STAG1: variants seen among roughly 807,000 people sequenced by gnomAD.
The protein encoded by STAG1 is STAG1 cohesin complex component, also known as cohesin subunit SA-1.
Under a neutral mutation model 170.9 loss-of-function variants are expected in STAG1, and 26 were observed. The ratio of observed to expected loss-of-function variants is 0.15; its 90% confidence interval spans 0.11 to 0.21. The LOEUF is 0.21. STAG1 is among the 10% of genes least tolerant of loss of function. The pLI is 1.00. For missense variants in STAG1, 964 were observed against 1,509.5 expected, an observed-to-expected ratio of 0.64 and a Z score of 5.99; for synonymous variants, 514 against 497.7, an observed-to-expected ratio of 1.03 and a Z score of -0.44.
chr3:136,707,032 C>T (rs189243261), intron 1 of STAG1, among the ~76,000 whole-genome samples: 98 of 152,230 alleles, frequency 6.4e-4, no homozygotes, highest in Middle Eastern at 3.4e-3. Context: ...CCTTACCTCA[C>T]GCCATACTAA....
Position 136,338,264 on chromosome 3 carries a change from G to C in STAG1, c.3767C>G (p.Pro1256Arg). 1 of 1,605,202 alleles carries C rather than the reference G, an allele frequency of 6.2e-7. No homozygotes were observed. The highest frequency in any genetic ancestry group is 8.5e-7 in the Non-Finnish European group (1 of 1,173,034). The change falls in exon 34 of 34, where the codon CCT (proline) becomes CGT (arginine). Residue 1256 changes from proline to arginine, a missense_variant. Physicochemically the swap from Pro to Arg is moderately radical, Grantham distance 103 (BLOSUM62 -2). Transcript: ENST00000383202. ...IIEDDSGFGM[P>R]MF ...AATTTTCTTCAGACTTCAGAACATA[G>C]GCATTCCAAATCCCTAGAAAAATGA...
At chr3:136,439,269 G>C (rs950442520) in intron 15 of STAG1, among the ~76,000 whole-genome samples, 1 of 146,156 alleles carries the variant, frequency 6.8e-6, no homozygotes, top group Non-Finnish European at 1.5e-5. Context: ...CTGATATCCA[G>C]AAGTTACTTG....
chr3:136,521,712 T>C (rs1934685293), intron 6 of STAG1, among the ~76,000 whole-genome samples: 1 of 152,170 alleles, frequency 6.6e-6, no homozygotes, highest in African/African-American at 2.4e-5. Flanking sequence ...ATAGTTGAGG[T>C]AATCTGAAAC....
At chr3:136,500,911 C>T (rs1385634351) in intron 8 of STAG1, among the ~76,000 whole-genome samples, 3 of 152,148 alleles carry the variant, frequency 2.0e-5, no homozygotes, top group East Asian at 1.9e-4. Context: ...TTTATTATTA[C>T]TCAAAAACAA....
chr3:136,392,067 T>C (rs907075463), intron 22 of STAG1, among the ~76,000 whole-genome samples: 1 of 152,028 alleles, frequency 6.6e-6, no homozygotes, highest in Non-Finnish European at 1.5e-5. Context: ...TTTATGACAA[T>C]AGAAAAGAAA....
intron 6 of STAG1, among the ~76,000 whole-genome samples, chr3:136,525,788 A>ATGT (rs1934985080): frequency 6.6e-6 from 1 of 152,158 alleles, no homozygotes; most frequent in Non-Finnish European, 1.5e-5. Flanking sequence ...AGATTCTGGT[A>ATGT]TGTTGTGCCT....
At chr3:136,751,894 G>A (rs963108944) in intron 1 of STAG1, among the ~76,000 whole-genome samples, 1 of 150,756 alleles carries the variant, frequency 6.6e-6, no homozygotes, top group Non-Finnish European at 1.5e-5. Flanking sequence ...CCGGGCGGGC[G>A]GGGGCAAAAT....
chr3:136,616,942 A>G (rs1231755430), intron 3 of STAG1, among the ~76,000 whole-genome samples: 2 of 152,236 alleles, frequency 1.3e-5, no homozygotes, highest in East Asian at 3.8e-4. Context: ...CATTATAAGC[A>G]GTAACATAGC....
chr3:136,657,912 T>C lies in STAG1; in HGVS notation c.-83-26931A>G, dbSNP rs534637665. On this transcript the variant is annotated intron_variant, in intron 1 of 33. Transcript: ENST00000383202. ...AGTTGTGGATTTCCCTGTTGACTTG[T>C]TGTACTTTTCTTTTATCTCTTGGTA... Among the ~76,000 whole-genome samples the C allele has an allele frequency of 2.6e-5, 4 of 152,314 alleles. No individual in the cohort carries two copies. The South Asian group carries it at 6.2e-4, about 24-fold the overall frequency.
At chr3:136,737,656 T>G (rs938763756) in intron 1 of STAG1, among the ~76,000 whole-genome samples, 1 of 152,254 alleles carries the variant, frequency 6.6e-6, no homozygotes, top group Non-Finnish European at 1.5e-5. Flanking sequence ...CAACAAATAT[T>G]TGTTAGCCCT....
At chr3:136,751,836 G>A (rs1396346020) in intron 1 of STAG1, among the ~76,000 whole-genome samples, 4 of 150,558 alleles carry the variant, frequency 2.7e-5, no homozygotes, top group African/African-American at 9.7e-5. Flanking sequence ...GGGCTTGGCG[G>A]CGGGCCCGAG....
intron 1 of STAG1, among the ~76,000 whole-genome samples, chr3:136,680,773 A>AAT (rs563329180): frequency 6.6e-6 from 1 of 151,010 alleles, no homozygotes; most frequent in Non-Finnish European, 1.5e-5. Context: ...ACTAGTGGTA[A>AAT]ATATATATAT....
At chr3:136,438,416 G>T (rs1162228622) in intron 15 of STAG1, among the ~76,000 whole-genome samples, 1 of 151,822 alleles carries the variant, frequency 6.6e-6, no homozygotes, top group African/African-American at 2.4e-5. Context: ...GTAGAAACGG[G>T]GTTTCACCAT....
chr3:136,502,622 A>G lies in STAG1; in HGVS notation c.828+6T>C. On this transcript the variant is annotated splice_donor_region_variant and intron_variant, in intron 8 of 33. Coordinates refer to ENST00000383202, the MANE Select transcript of STAG1 (RefSeq NM_005862.3). ...ACATAAAATCATCAGTTCCCATGAA[A>G]CTTACCTCTTTGCGTTTCTGAAGTA... 6.2e-7 allele frequency: 1 copy of G among 1,612,538 alleles called. No individual in the cohort carries two copies. Among genetic ancestry groups the G allele is most frequent in the Non-Finnish European group, 8.5e-7 (1 of 1,179,388 alleles).
chr3:136,541,084 T>C (rs940222671), intron 6 of STAG1, among the ~76,000 whole-genome samples: 53 of 152,174 alleles, frequency 3.5e-4, no homozygotes, highest in African/African-American at 1.3e-3. Flanking sequence ...CCTGATGAAC[T>C]TTCAAAAATC....
intron 1 of STAG1, among the ~76,000 whole-genome samples, chr3:136,682,508 C>CA (rs1391930977): frequency 3.3e-4 from 50 of 149,508 alleles, no homozygotes; most frequent in African/African-American, 7.1e-4. Context: ...ATATGTCACA[C>CA]GAAAAAAACA....
At chr3:136,503,116 T>G (rs1391149986) in intron 7 of STAG1, among the ~76,000 whole-genome samples, 2 of 152,162 alleles carry the variant, frequency 1.3e-5, no homozygotes, top group East Asian at 1.9e-4. Context: ...AGCCTAAACC[T>G]CTCTACTGAT....
At chr3:136,356,214 C>T (rs774099453) in intron 28 of STAG1, among the ~76,000 whole-genome samples, 4 of 152,074 alleles carry the variant, frequency 2.6e-5, no homozygotes, top group Non-Finnish European at 5.9e-5. Flanking sequence ...GCTGTGCCCC[C>T]TGGCATTAGA....
intron 28 of STAG1, among the ~76,000 whole-genome samples, chr3:136,353,469 A>G (rs182810633): frequency 2.4e-4 from 37 of 152,378 alleles, no homozygotes; most frequent in African/African-American, 7.9e-4. Flanking sequence ...GTAAGAGAAA[A>G]GTAATTCACT....
Sources: gnomAD v4.1 joint callset for allele counts (sites outside exome capture counted in the v4.1 genomes callset) on GRCh38, gnomAD v4.1.1 for gene constraint, MANE v1.5 for transcripts, NCBI Gene and HGNC (gene_info 2026-07-23, HGNC 2026-07-21) for gene names.